Variants in CAMK4 observed in about 807,000 individuals in gnomAD.
CAMK4 encodes calcium/calmodulin-dependent protein kinase type IV.
A neutral mutation model predicts 44.9 loss-of-function variants in CAMK4; 22 were observed. The observed-to-expected ratio is 0.49, with a 90% confidence interval of 0.35 to 0.70. CAMK4 has a LOEUF of 0.70. Ranked by LOEUF, CAMK4 falls within the 30% of genes least tolerant of loss-of-function variation. CAMK4 has a pLI of 0.01. For missense variants in CAMK4, 498 were observed against 586.8 expected (o/e 0.85, Z 1.56); for synonymous variants, 218 against 215.4 (o/e 1.01, Z -0.11).
chr5:111,310,602 T>A (rs1748159950), intron 1 of CAMK4, among the ~76,000 whole-genome samples: 1 of 152,172 alleles, frequency 6.6e-6, no homozygotes, highest in East Asian at 1.9e-4. Context: ...ATACTAAGCC[T>A]GGCACTTAGT....
intron 7 of CAMK4, among the ~76,000 whole-genome samples, chr5:111,451,391 G>A (rs988596177): frequency 2.0e-5 from 3 of 151,564 alleles, no homozygotes; most frequent in Admixed American, 6.6e-5. Context: ...TTTGCCTCCC[G>A]GGTTCAATTG....
rs927237714 is a variant in CAMK4 at position 111,407,846 on chromosome 5, C to T, written c.459+13064C>T. On this transcript the variant is annotated intron_variant, in intron 5 of 10. Transcript: ENST00000282356. ...AAGGGCTTAAGAAAGAATGACTAGG[C>T]TGGGCATGGTGGTTTATGCCTGTAA... 3.9e-5 allele frequency among the ~76,000 whole-genome samples: 6 copies of T among 152,266 alleles called. No homozygotes were observed. The South Asian group carries it at 6.2e-4, about 16-fold the overall frequency.
chr5:111,408,161 A>G (rs575501912), intron 5 of CAMK4, among the ~76,000 whole-genome samples: 6 of 152,136 alleles, frequency 3.9e-5, no homozygotes, highest in African/African-American at 1.2e-4. Flanking sequence ...GGAAATATCA[A>G]TGTCTCATGA....
rs116724657 is a variant in CAMK4, at chr5:111,350,214, C to T, written c.240+6112C>T. 4.5e-3 allele frequency among the ~76,000 whole-genome samples: 690 copies of T among 152,092 alleles called. 7 individuals carry two copies. The highest frequency in any genetic ancestry group is 0.016 in the African/African-American group (662 of 41,540). ...TAAAGATTAAAATAAATATTTCCCA[C>T]CACATAGGAAGCATGTAATATACAT... is the stretch of plus-strand genomic sequence containing the variant. On this transcript the variant is annotated intron_variant, in intron 2 of 10. Transcript: ENST00000282356.
At chr5:111,420,611 C>A (rs1352309177) in intron 5 of CAMK4, among the ~76,000 whole-genome samples, 3 of 152,128 alleles carry the variant, frequency 2.0e-5, no homozygotes, top group Non-Finnish European at 4.4e-5. Context: ...GGGTCTATTT[C>A]ACCCCTGCAG....
At chr5:111,261,163 A>G (rs190645008) in intron 1 of CAMK4, among the ~76,000 whole-genome samples, 2 of 152,294 alleles carry the variant, frequency 1.3e-5, no homozygotes, top group African/African-American at 2.4e-5. Flanking sequence ...TTCCCTGATT[A>G]TTCCCAAACT....
intron 1 of CAMK4, among the ~76,000 whole-genome samples, chr5:111,239,200 C>A (rs1748879418): frequency 6.6e-6 from 1 of 152,142 alleles, no homozygotes; most frequent in Non-Finnish European, 1.5e-5. Flanking sequence ...TCCTCTGGGT[C>A]TTTGACCGTG....
intron 5 of CAMK4, among the ~76,000 whole-genome samples, chr5:111,420,711 G>A (rs973257817): frequency 6.6e-6 from 1 of 152,176 alleles, no homozygotes; most frequent in African/African-American, 2.4e-5. Flanking sequence ...GATGTTCCTT[G>A]CTGAGAAAAA....
intron 7 of CAMK4, among the ~76,000 whole-genome samples, chr5:111,464,977 C>G (rs965383448): frequency 1.3e-5 from 2 of 152,126 alleles, no homozygotes; most frequent in Non-Finnish European, 2.9e-5. Flanking sequence ...ACTCCCAAAC[C>G]AAGGAGACAG....
chr5:111,344,128 A>G (rs1459055641), intron 2 of CAMK4, 26 bp downstream of exon 2: 1 of 1,343,034 alleles, frequency 7.4e-7, no homozygotes, highest in Non-Finnish European at 1.1e-6. Context: ...ATATAATGGC[A>G]TCTCTAAGGG....
intron 4 of CAMK4, among the ~76,000 whole-genome samples, chr5:111,379,126 A>G (rs554826879): frequency 1.3e-5 from 2 of 152,270 alleles, no homozygotes; most frequent in East Asian, 1.9e-4. Flanking sequence ...ATTATGGTCT[A>G]TCAGTGAGAA....
intron 5 of CAMK4, among the ~76,000 whole-genome samples, chr5:111,424,675 C>T (rs1043648241): frequency 6.6e-6 from 1 of 151,698 alleles, no homozygotes; most frequent in African/African-American, 2.4e-5. Context: ...TCTCGATCTC[C>T]TGACCTTGCG....
chr5:111,377,982 T>C (rs1751277667), intron 4 of CAMK4, among the ~76,000 whole-genome samples: 1 of 152,070 alleles, frequency 6.6e-6, no homozygotes, highest in Admixed American at 6.6e-5. Context: ...TTTGAATGCG[T>C]TGAGAGAGGA....
chr5:111,494,758 T>TA lies in CAMK4; in HGVS notation c.*10293dup. On this transcript the variant is annotated 3_prime_UTR_variant, in exon 11 of 11. Transcript: ENST00000282356. ...AGAAATTTGACCTGAGGGCCAATGTTACTTGGTGTAAGTTCACTCAGACAG... is the reference window on the plus strand; with the variant it reads ...AGAAATTTGACCTGAGGGCCAATGTTAACTTGGTGTAAGTTCACTCAGACAG... 2 of 152,182 alleles carry TA rather than the reference T, an allele frequency of 1.3e-5. 1 individual carries two copies. The highest frequency in any genetic ancestry group is 2.9e-5 in the Non-Finnish European group (2 of 68,022). The allele number at this position is 152,182 out of a possible 1,614,324, so 9.4% of individuals were successfully genotyped here.
chr5:111,278,336 C>T (rs1448396775), intron 1 of CAMK4, among the ~76,000 whole-genome samples: 5 of 152,032 alleles, frequency 3.3e-5, no homozygotes, highest in Admixed American at 6.5e-5. Context: ...CAGATTTATG[C>T]AATAGTCAGT....
intron 1 of CAMK4, among the ~76,000 whole-genome samples, chr5:111,255,214 C>G (rs1372049989): frequency 6.6e-6 from 1 of 152,068 alleles, no homozygotes; most frequent in Non-Finnish European, 1.5e-5. Context: ...GCCATGAAGC[C>G]CTGGTTCCTG....
chr5:111,413,297 G>C (rs887940109), intron 5 of CAMK4, among the ~76,000 whole-genome samples: 2 of 152,198 alleles, frequency 1.3e-5, no homozygotes, highest in African/African-American at 4.8e-5. Flanking sequence ...TTATGGAGCT[G>C]CCCGGGTGCA....
intron 1 of CAMK4, among the ~76,000 whole-genome samples, chr5:111,255,674 C>T (rs977335321): frequency 2.0e-5 from 3 of 152,144 alleles, no homozygotes; most frequent in South Asian, 2.1e-4. Context: ...TTTGCATACC[C>T]GAAGCCCCAG....
chr5:111,340,348 G>T (rs1561424115), intron 1 of CAMK4, among the ~76,000 whole-genome samples: 1 of 151,252 alleles, frequency 6.6e-6, no homozygotes, highest in Admixed American at 6.6e-5. Context: ...TATATTAGCT[G>T]TGGAATTGTC....
Sources: gnomAD v4.1 joint callset for allele counts (sites outside exome capture counted in the v4.1 genomes callset) on GRCh38, gnomAD v4.1.1 for gene constraint, MANE v1.5 for transcripts, NCBI Gene and HGNC (gene_info 2026-07-23, HGNC 2026-07-21) for gene names.